COBLL1: variants seen among roughly 807,000 people sequenced by gnomAD.
COBLL1 encodes the protein cordon-bleu WH2 repeat protein like 1, also known as cordon-bleu protein-like 1.
In COBLL1, 50 loss-of-function variants were observed where a neutral mutation model predicts 94.8. The ratio of observed to expected loss-of-function variants is 0.53; its 90% CI spans 0.42 to 0.67. The LOEUF (loss-of-function observed/expected upper bound fraction) is 0.67, where lower values mean the gene tolerates loss of function less well. Ranked by LOEUF, COBLL1 falls within the 30% of genes least tolerant of loss-of-function variation. The pLI is 0.00. For synonymous variants in COBLL1, 448 were observed against 473.8 expected (o/e 0.95, Z 0.71); for missense variants, 1,362 against 1,348.7 (o/e 1.01, Z -0.15).
chr2:164,801,693 C>T (rs1205237596), intron 2 of COBLL1, among the ~76,000 whole-genome samples: 3 of 152,054 alleles, frequency 2.0e-5, no homozygotes, highest in Non-Finnish European at 4.4e-5. Flanking sequence ...TTAATTTGTC[C>T]AAAGTTTTAA....
intron 9 of COBLL1, among the ~76,000 whole-genome samples, chr2:164,701,980 A>C (rs1684299902): frequency 6.6e-6 from 1 of 152,092 alleles, no homozygotes; most frequent in Non-Finnish European, 1.5e-5. Flanking sequence ...TTTTTAACAT[A>C]ATTCAATATT....
intron 5 of COBLL1, chr2:164,727,124 TG>T: frequency 6.6e-7 from 1 of 1,504,272 alleles, no homozygotes; most frequent in Non-Finnish European, 9.0e-7. Context: ...GATGACTTAC[TG>T]AAGACAGTAA....
At chr2:164,759,123 T>C (rs1464412873) in intron 2 of COBLL1, among the ~76,000 whole-genome samples, 1 of 152,112 alleles carries the variant, frequency 6.6e-6, no homozygotes, top group Non-Finnish European at 1.5e-5. Flanking sequence ...AACCAAAAGT[T>C]GCTTTCAAGT....
At chr2:164,774,553 T>C (rs1688368698) in intron 2 of COBLL1, among the ~76,000 whole-genome samples, 1 of 152,196 alleles carries the variant, frequency 6.6e-6, no homozygotes, top group Non-Finnish European at 1.5e-5. Flanking sequence ...AAATCACATG[T>C]CCCATTACTT....
chr2:164,770,141 T>C (rs1328294729), intron 2 of COBLL1, among the ~76,000 whole-genome samples: 2 of 152,154 alleles, frequency 1.3e-5, no homozygotes, highest in African/African-American at 2.4e-5. Context: ...TCGTCCTCAG[T>C]TAGTAAACTG....
chr2:164,790,784 AG>A (rs1358761517), intron 2 of COBLL1, among the ~76,000 whole-genome samples: 1 of 152,214 alleles, frequency 6.6e-6, no homozygotes, highest in Non-Finnish European at 1.5e-5. Flanking sequence ...AGACTCCACA[AG>A]GAACTCCAGA....
At chr2:164,718,516 T>C (rs1685290681) in intron 7 of COBLL1, among the ~76,000 whole-genome samples, 1 of 152,232 alleles carries the variant, frequency 6.6e-6, no homozygotes, top group African/African-American at 2.4e-5. Flanking sequence ...TTGGTTTTAA[T>C]ATGCATACAT....
chr2:164,754,885 G>A (rs996350482), intron 2 of COBLL1, among the ~76,000 whole-genome samples: 6 of 152,160 alleles, frequency 3.9e-5, no homozygotes, highest in African/African-American at 1.2e-4. Context: ...ACAAGACACA[G>A]GTTTCCGGCT....
chr2:164,705,053 A>G lies in COBLL1; in HGVS notation c.1049T>C (p.Met350Thr), dbSNP rs1271310063. The change falls in exon 8 of 14, where the codon ATG (methionine) becomes ACG (threonine). Residue 350 changes from methionine (M) to threonine (T), a missense_variant. By Grantham distance (81) the Met-to-Thr change is moderately conservative. Transcript: ENST00000652658. The part of the protein sequence containing the change: ...VRAGSLQLSS[M>T]SAGNSSLRRT... ...TCTCAAAGATGAATTCCCTGCAGAC[A>G]TGCTGCTGAGCTGCAGTGAACCTGC... The G allele has an allele frequency of 2.5e-6, 4 of 1,602,220 alleles. No individual in the cohort carries two copies. The highest frequency in any genetic ancestry group is 3.4e-5 in the Admixed American group (2 of 58,054).
chr2:164,729,883 A>T, intron 4 of COBLL1, 31 bp downstream of exon 4: 2 of 1,555,624 alleles, frequency 1.3e-6, no homozygotes, highest in Non-Finnish European at 1.8e-6. Context: ...ATGACTGAAT[A>T]AGACATCAAA....
At chr2:164,787,029 C>A (rs889278698) in intron 2 of COBLL1, among the ~76,000 whole-genome samples, 1 of 152,110 alleles carries the variant, frequency 6.6e-6, no homozygotes, top group African/African-American at 2.4e-5. Flanking sequence ...AACAACCATT[C>A]CTTCGCCCCC....
intron 2 of COBLL1, among the ~76,000 whole-genome samples, chr2:164,780,588 G>A (rs949883922): frequency 6.6e-6 from 1 of 151,858 alleles, no homozygotes; most frequent in Non-Finnish European, 1.5e-5. Flanking sequence ...TATTTTCCTT[G>A]GATCTCAGGA....
At chr2:164,827,697 A>C (rs975225429) in intron 2 of COBLL1, among the ~76,000 whole-genome samples, 4 of 152,220 alleles carry the variant, frequency 2.6e-5, no homozygotes, top group African/African-American at 9.7e-5. Context: ...ATGAGTATGA[A>C]TTCTTATGTA....
At chr2:164,769,619 G>A (rs1311876807) in intron 2 of COBLL1, among the ~76,000 whole-genome samples, 1 of 152,170 alleles carries the variant, frequency 6.6e-6, no homozygotes, top group African/African-American at 2.4e-5. Context: ...AGCACTTTGG[G>A]TGGCCAAGGG....
At chr2:164,692,990 C>T (rs1202330321) in intron 12 of COBLL1, among the ~76,000 whole-genome samples, 1 of 152,058 alleles carries the variant, frequency 6.6e-6, no homozygotes, top group African/African-American at 2.4e-5. Flanking sequence ...AAATTAGGAA[C>T]TTCCAAACTG....
At chr2:164,703,308 G>T in intron 9 of COBLL1, 1 of 797,826 alleles carries the variant, frequency 1.3e-6, no homozygotes, top group Non-Finnish European at 2.1e-6. Context: ...GAAGAAATCA[G>T]ATTTGTTAGC....
At chr2:164,816,391 C>T (rs1444909735) in intron 2 of COBLL1, among the ~76,000 whole-genome samples, 5 of 152,048 alleles carry the variant, frequency 3.3e-5, no homozygotes, top group South Asian at 2.1e-4. Context: ...CCAGACACCC[C>T]GCATTCTCAA....
rs990880053 is a variant in COBLL1, at chr2:164,682,258, C to A, written c.*3688G>T. On this transcript the variant is annotated 3_prime_UTR_variant, in exon 14 of 14. Coordinates refer to ENST00000652658, the MANE Select transcript of COBLL1 (RefSeq NM_001365672.2). Reference sequence around the variant, plus strand: ...TTTTTACATCTAAAACCTCAGAAATCACTTTGACCCTGGAAATCTTCACTA... The same window carrying A: ...TTTTTACATCTAAAACCTCAGAAATAACTTTGACCCTGGAAATCTTCACTA... 2 of 152,112 alleles carry A rather than the reference C, an allele frequency of 1.3e-5. No individual in the cohort carries two copies. Among genetic ancestry groups the A allele is most frequent in the Admixed American group, 1.3e-4 (2 of 15,256 alleles). The allele number at this position is 152,112 out of a possible 1,614,324, so 9.4% of individuals were successfully genotyped here. A position where few individuals can be genotyped will look rare whatever the true frequency, so the allele number is the denominator to read the frequency against.
intron 12 of COBLL1, 53 bp downstream of exon 12, chr2:164,694,216 A>G: frequency 6.5e-7 from 1 of 1,529,380 alleles, no homozygotes; most frequent in Non-Finnish European, 8.9e-7. Context: ...GTTAACCCCC[A>G]TTAAACCATG....
Sources: allele counts gnomAD v4.1 joint callset (sites outside exome capture counted in the v4.1 genomes callset), GRCh38; gene constraint gnomAD v4.1.1; transcripts MANE v1.5; gene names NCBI Gene and HGNC (gene_info 2026-07-23, HGNC 2026-07-21).